The following FHIT variants were observed in gnomAD, a reference collection of about 807,000 sequenced individuals.
FHIT encodes bis(5'-adenosyl)-triphosphatase.
A neutral mutation model predicts 17.9 loss-of-function variants in FHIT; 19 were observed. That is an observed-to-expected ratio of 1.06 (90% confidence interval 0.74 to 1.56). The LOEUF is 1.56. FHIT is among the 40% of genes most tolerant of loss of function. FHIT has a pLI of 0.00. For missense variants in FHIT, 248 were observed against 189.2 expected (o/e 1.31, Z -1.82); for synonymous variants, 81 against 69.7 (o/e 1.16, Z -0.81).
At chr3:60,307,083 C>A (rs1708705518) in intron 5 of FHIT, among the ~76,000 whole-genome samples, 1 of 152,124 alleles carries the variant, frequency 6.6e-6, no homozygotes, top group Admixed American at 6.6e-5. Flanking sequence ...CTTCCCCACA[C>A]AACAAAACTG....
chr3:60,372,040 G>C (rs958064580), intron 5 of FHIT, among the ~76,000 whole-genome samples: 1 of 152,150 alleles, frequency 6.6e-6, no homozygotes, highest in Non-Finnish European at 1.5e-5. Context: ...GCTGCAGAGA[G>C]AGGCATTTTC....
intron 5 of FHIT, among the ~76,000 whole-genome samples, chr3:60,467,372 T>C (rs915949732): frequency 2.6e-5 from 4 of 152,026 alleles, no homozygotes; most frequent in Non-Finnish European, 5.9e-5. Flanking sequence ...TTTTTCCTTC[T>C]ACTAATTTTG....
intron 5 of FHIT, among the ~76,000 whole-genome samples, chr3:60,139,486 C>A (rs776863533): frequency 1.3e-5 from 2 of 152,100 alleles, no homozygotes; most frequent in Non-Finnish European, 2.9e-5. Flanking sequence ...AGTCTATCAC[C>A]CCAGCTTAGA....
At chr3:60,758,159 C>A (rs1699515250) in intron 4 of FHIT, among the ~76,000 whole-genome samples, 1 of 152,204 alleles carries the variant, frequency 6.6e-6, no homozygotes, top group African/African-American at 2.4e-5. Context: ...GCTGGTCCTT[C>A]AGGTGGCCTC....
chr3:59,910,213 G>C (rs901559111), intron 8 of FHIT, among the ~76,000 whole-genome samples: 2 of 152,152 alleles, frequency 1.3e-5, no homozygotes, highest in African/African-American at 4.8e-5. Flanking sequence ...TGGAAAGATG[G>C]GACAACTTGA....
chr3:60,449,088 G>A (rs1404470131), intron 5 of FHIT, among the ~76,000 whole-genome samples: 3 of 152,118 alleles, frequency 2.0e-5, no homozygotes, highest in East Asian at 1.9e-4. Context: ...GCCTCTGAAG[G>A]TTACTTCCCA....
chr3:59,751,637 A>C (rs927531832), intron 9 of FHIT: 1 of 225,030 alleles, frequency 4.4e-6, no homozygotes, highest in Admixed American at 5.7e-5. Context: ...AGTCATCATT[A>C]AGACAAAGAT....
At chr3:61,044,154 C>T (rs1271466679) in intron 2 of FHIT, among the ~76,000 whole-genome samples, 1 of 152,114 alleles carries the variant, frequency 6.6e-6, no homozygotes, top group Non-Finnish European at 1.5e-5. Flanking sequence ...TGAGAGAAGG[C>T]TTCAGACGAT....
At position 60,083,477 on chromosome 3, in the gene FHIT, C is replaced by T. The variant is rs191457402; in HGVS notation, c.104-69325G>A. On this transcript the variant is annotated intron_variant, in intron 5 of 9. Coordinates refer to ENST00000492590, the MANE Select transcript of FHIT (RefSeq NM_002012.4). ...CCATGTGAATAGTCTTTTCTAATTC[C>T]GTGAAAAATGACATTGGTAGTTTGA... 3.1e-4 allele frequency among the ~76,000 whole-genome samples: 47 copies of T among 150,820 alleles called. 2 individuals are homozygous for T. Among genetic ancestry groups the T allele is most frequent in the South Asian group, 8.5e-4 (4 of 4,726 alleles).
At chr3:60,824,529 A>G (rs570047902) in intron 3 of FHIT, among the ~76,000 whole-genome samples, 2 of 152,336 alleles carry the variant, frequency 1.3e-5, no homozygotes, top group South Asian at 2.1e-4. Context: ...AATATTTTTT[A>G]AAATCATGAT....
intron 7 of FHIT, among the ~76,000 whole-genome samples, chr3:59,928,052 G>C (rs1049182150): frequency 6.6e-6 from 1 of 152,066 alleles, no homozygotes; most frequent in African/African-American, 2.4e-5. Context: ...GAAAGAGCAA[G>C]GAAGGCTGAA....
chr3:60,122,381 T>G lies in FHIT; in HGVS notation c.104-108229A>C, dbSNP rs139599553. Among the ~76,000 whole-genome samples, 1,236 of 152,044 alleles carry G rather than the reference T, an allele frequency of 8.1e-3. 13 individuals carry two copies. The highest frequency in any genetic ancestry group is 0.027 in the African/African-American group (1,130 of 41,422). ...TCCCGGCCCTCAGGGAACATTTGAG[T>G]TCATGAAATAAAACTAGGAATCAGA... On this transcript the variant is annotated intron_variant, in intron 5 of 9. Coordinates refer to ENST00000492590, the MANE Select transcript of FHIT (RefSeq NM_002012.4).
At chr3:59,771,541 C>T (rs1236418858) in intron 8 of FHIT, among the ~76,000 whole-genome samples, 1 of 152,132 alleles carries the variant, frequency 6.6e-6, no homozygotes, top group Non-Finnish European at 1.5e-5. Context: ...TAGAAGCTAT[C>T]GCCTCCCACT....
At chr3:60,858,555 T>C (rs1182634074) in intron 3 of FHIT, among the ~76,000 whole-genome samples, 3 of 152,206 alleles carry the variant, frequency 2.0e-5, no homozygotes, top group Non-Finnish European at 4.4e-5. Flanking sequence ...GTGTGGCCTT[T>C]TATGAAGTGA....
At chr3:61,099,050 T>G (rs545985706) in intron 2 of FHIT, among the ~76,000 whole-genome samples, 18 of 152,304 alleles carry the variant, frequency 1.2e-4, no homozygotes, top group African/African-American at 4.3e-4. Context: ...ATGTTGGCTG[T>G]CTGTTTGCCA....
intron 3 of FHIT, among the ~76,000 whole-genome samples, chr3:60,831,471 G>C (rs138724001): frequency 6.6e-6 from 1 of 152,140 alleles, no homozygotes; most frequent in Admixed American, 6.5e-5. Flanking sequence ...CCTGACTTTA[G>C]AAATGTAGAC....
chr3:60,945,204 T>C lies in FHIT; in HGVS notation c.-111+96843A>G, dbSNP rs1229777037. Among the ~76,000 whole-genome samples the C allele has an allele frequency of 7.3e-5, 11 of 151,672 alleles. 1 individual carries two copies. Among genetic ancestry groups the C allele is most frequent in the Non-Finnish European group, 1.5e-5 (1 of 67,940 alleles). On this transcript the variant is annotated intron_variant, in intron 3 of 9. Coordinates refer to ENST00000492590, the MANE Select transcript of FHIT (RefSeq NM_002012.4). ...GCATACAAATATCTCGGGGAGAAGA[T>C]TTCCAAACAAAAGCAAGAGCAAATA...
At chr3:60,484,105 G>C (rs1429326288) in intron 5 of FHIT, among the ~76,000 whole-genome samples, 1 of 151,976 alleles carries the variant, frequency 6.6e-6, no homozygotes, top group Non-Finnish European at 1.5e-5. Context: ...AAATACCTAG[G>C]AAAACAGCTA....
In FHIT at chr3:59,784,102, G is replaced by A. The variant is rs114059152; in HGVS notation, c.349-31781C>T. Among the ~76,000 whole-genome samples the A allele has an allele frequency of 3.3e-3, 501 of 152,252 alleles. 4 individuals are homozygous for A. The highest frequency in any genetic ancestry group is 0.011 in the African/African-American group (474 of 41,554). The stretch of plus-strand genomic sequence containing the variant: ...AAAATGATATAAAAATGATTGGACC[G>A]ACCTGCTCTTTCTAGGGTAAAGGTC... On this transcript the variant is annotated intron_variant, in intron 8 of 9. Transcript: ENST00000492590.
Sources: gnomAD v4.1 joint callset for allele counts (sites outside exome capture counted in the v4.1 genomes callset) on GRCh38, gnomAD v4.1.1 for gene constraint, MANE v1.5 for transcripts, NCBI Gene and HGNC (gene_info 2026-07-23, HGNC 2026-07-21) for gene names.